VEGFC: variants seen among roughly 807,000 people sequenced by gnomAD.
The protein encoded by VEGFC is vascular endothelial growth factor C.
In VEGFC, 12 loss-of-function variants were observed where a neutral mutation model predicts 46.1. That is an observed-to-expected ratio of 0.26 (90% confidence interval 0.17 to 0.42). The LOEUF (loss-of-function observed/expected upper bound fraction) is 0.42. Among genes scored for constraint, VEGFC ranks in the 10% least tolerant of loss-of-function variants. VEGFC has a pLI of 1.00. For missense variants in VEGFC, 488 were observed against 529.4 expected (o/e 0.92, Z 0.77); for synonymous variants, 232 against 195.5 (o/e 1.19, Z -1.56).
intron 1 of VEGFC, among the ~76,000 whole-genome samples, chr4:176,749,479 T>C (rs1418712301): frequency 6.6e-6 from 1 of 151,806 alleles, no homozygotes; most frequent in African/African-American, 2.4e-5. Flanking sequence ...TGTACTTTAT[T>C]TACCCATAAA....
At chr4:176,735,504 A>G (rs1328851149) in intron 1 of VEGFC, among the ~76,000 whole-genome samples, 2 of 151,946 alleles carry the variant, frequency 1.3e-5, no homozygotes, top group Non-Finnish European at 2.9e-5. Context: ...TAGTGGATAT[A>G]TGCCAGGACC....
At chr4:176,777,230 T>G (rs1286699319) in intron 1 of VEGFC, among the ~76,000 whole-genome samples, 1 of 152,104 alleles carries the variant, frequency 6.6e-6, no homozygotes, top group African/African-American at 2.4e-5. Context: ...GGCAGGACAA[T>G]GGCTTGAACC....
At position 176,792,883 on chromosome 4, in the gene VEGFC, AGCG is replaced by A. The variant is rs1004741257; in HGVS notation, c.-575_-573del. ...GGATCCTCCAGAGCGCGCCGGGCTG[AGCG>A]GCGGCGGCGGCGGCGGCGGGCGCAG... On this transcript the variant is annotated 5_prime_UTR_variant, in exon 1 of 7. Transcript: ENST00000618562. The surrounding 1 kb of genome is among the most constrained non-coding windows in gnomAD (Gnocchi z 6.3). 1.7e-4 allele frequency among the ~76,000 whole-genome samples: 25 copies of A among 144,864 alleles called. No individual in the cohort carries two copies. The highest frequency in any genetic ancestry group is 6.1e-4 in the Admixed American group (9 of 14,688).
intron 3 of VEGFC, among the ~76,000 whole-genome samples, chr4:176,716,689 C>G (rs1734706564): frequency 1.3e-5 from 2 of 150,216 alleles, no homozygotes; most frequent in Admixed American, 1.3e-4. Flanking sequence ...GGTAGAATTT[C>G]TGAAATACCA....
At chr4:176,768,869 A>G (rs1263252667) in intron 1 of VEGFC, among the ~76,000 whole-genome samples, 1 of 152,024 alleles carries the variant, frequency 6.6e-6, no homozygotes, top group African/African-American at 2.4e-5. Flanking sequence ...CTGTGGCATA[A>G]GCTCTCTCCT....
Position 176,687,187 on chromosome 4 carries a change from C to T in VEGFC, c.1145G>A (p.Ser382Asn). ...AATATTCTTCATGAGGATCTCTTAC[C>T]TGCATGTTTGGTGGTGGAACTTCTT... is the stretch of plus-strand genomic sequence containing the variant. ...KGKKFHHQTC[S>N]CYRRPCTNRQ... is the part of the protein sequence containing the mutation. The change falls in exon 6 of 7, where the codon AGC becomes AAC. Residue 382 changes from serine (S) to asparagine (N), a missense_variant and splice_region_variant. Coordinates refer to ENST00000618562, the MANE Select transcript of VEGFC (RefSeq NM_005429.5). The T allele has an allele frequency of 6.2e-7, 1 of 1,609,340 alleles. No individual in the cohort carries two copies.
chr4:176,707,500 A>G (rs1734554225), intron 4 of VEGFC, among the ~76,000 whole-genome samples: 1 of 152,168 alleles, frequency 6.6e-6, no homozygotes, highest in African/African-American at 2.4e-5. Context: ...ATATTTTCAC[A>G]AAGAAAAACA....
chr4:176,729,093 C>A (rs897766683), intron 2 of VEGFC, among the ~76,000 whole-genome samples: 7 of 152,182 alleles, frequency 4.6e-5, no homozygotes, highest in Non-Finnish European at 7.3e-5. Context: ...AAGTCCCGCT[C>A]TGAGCCAGTT....
intron 1 of VEGFC, among the ~76,000 whole-genome samples, chr4:176,773,595 T>A (rs1380703720): frequency 6.6e-6 from 1 of 152,044 alleles, no homozygotes; most frequent in African/African-American, 2.4e-5. Context: ...AAAAGCAAAA[T>A]TTTAAAAAGT....
intron 1 of VEGFC, among the ~76,000 whole-genome samples, chr4:176,730,591 G>A (rs1734946447): frequency 6.6e-6 from 1 of 151,954 alleles, no homozygotes; most frequent in Admixed American, 6.6e-5. Flanking sequence ...ATATAAATAT[G>A]TAAGTAAATA....
chr4:176,757,066 C>T (rs944781395), intron 1 of VEGFC, among the ~76,000 whole-genome samples: 11 of 152,018 alleles, frequency 7.2e-5, no homozygotes, highest in African/African-American at 2.4e-4. Context: ...GACAATAATG[C>T]TTGGTGGCTA....
At chr4:176,702,246 A>C (rs1734447197) in intron 4 of VEGFC, among the ~76,000 whole-genome samples, 1 of 152,178 alleles carries the variant, frequency 6.6e-6, no homozygotes, top group African/African-American at 2.4e-5. Context: ...TTACTGAGTA[A>C]ACAATGTCAA....
intron 1 of VEGFC, among the ~76,000 whole-genome samples, chr4:176,773,330 G>A (rs1194658250): frequency 1.3e-5 from 2 of 152,166 alleles, no homozygotes; most frequent in African/African-American, 2.4e-5. Flanking sequence ...GCCCTTAAAC[G>A]CCCACTGGGG....
chr4:176,785,778 A>C (rs1328137260), intron 1 of VEGFC, among the ~76,000 whole-genome samples: 2 of 152,244 alleles, frequency 1.3e-5, no homozygotes, highest in Non-Finnish European at 2.9e-5. Context: ...AGAACACGTA[A>C]GTCACACTTG....
Position 176,792,451 on chromosome 4 carries a change from G to A in VEGFC, c.-140C>T. 1.7e-6 allele frequency: 1 copy of A among 579,318 alleles called. No individual in the cohort carries two copies. 35.9% of individuals were successfully genotyped at this position (579,318 alleles called of 1,614,324 possible). A position where few individuals can be genotyped will look rare whatever the true frequency, so the allele number is the denominator to read the frequency against. On this transcript the variant is annotated 5_prime_UTR_variant, in exon 1 of 7. Coordinates refer to ENST00000618562, the MANE Select transcript of VEGFC (RefSeq NM_005429.5). This position sits in a 1 kb window ranked among gnomAD's most constrained non-coding sequence, Gnocchi z 6.3. ...GCGACCCCCCCTGGGCGAGCCGGAG[G>A]CGGCGGGAGCGGGTCCGGGGCTCCG...
intron 1 of VEGFC, among the ~76,000 whole-genome samples, chr4:176,752,710 CTAAG>C (rs1300964419): frequency 6.6e-6 from 1 of 152,022 alleles, no homozygotes; most frequent in African/African-American, 2.4e-5. Flanking sequence ...ACACACAAAT[CTAAG>C]TTACATCACA....
intron 4 of VEGFC, among the ~76,000 whole-genome samples, chr4:176,705,644 G>A (rs1356871947): frequency 1.3e-5 from 2 of 152,124 alleles, no homozygotes; most frequent in Admixed American, 6.6e-5. Context: ...AAATAGTAGC[G>A]ATCATTTATT....
intron 1 of VEGFC, among the ~76,000 whole-genome samples, chr4:176,731,520 G>C (rs1358451399): frequency 6.6e-6 from 1 of 151,866 alleles, no homozygotes; most frequent in Non-Finnish European, 1.5e-5. Context: ...TGTGGTCACT[G>C]TTACCTGCAG....
intron 4 of VEGFC, among the ~76,000 whole-genome samples, chr4:176,691,224 A>AC (rs897609470): frequency 6.6e-6 from 1 of 152,166 alleles, no homozygotes; most frequent in Non-Finnish European, 1.5e-5. Context: ...TATCTCCTTT[A>AC]CGTTTTAATC....
Sources: gnomAD v4.1 joint callset for allele counts (sites outside exome capture counted in the v4.1 genomes callset) on GRCh38, gnomAD v4.1.1 for gene constraint, Gnocchi (gnomAD v3.1) non-coding constraint, MANE v1.5 for transcripts, NCBI Gene and HGNC (gene_info 2026-07-23, HGNC 2026-07-21) for gene names.